The following CHN1 variants were observed in gnomAD, a reference collection of about 807,000 sequenced individuals.
The protein encoded by CHN1 is chimerin 1.
In CHN1, 37 loss-of-function variants were observed where a neutral mutation model predicts 59.5. That is an observed-to-expected ratio of 0.62 (90% CI 0.48 to 0.82). The LOEUF is 0.82. Ranked by LOEUF, CHN1 falls within the 40% of genes least tolerant of loss-of-function variation. CHN1 has a pLI of 0.00. For missense variants in CHN1, 469 were observed against 571.0 expected (o/e 0.82, Z 1.82); for synonymous variants, 206 against 200.4 (o/e 1.03, Z -0.24).
At position 174,862,852 on chromosome 2, in the gene CHN1, G is replaced by A. The variant is rs200107274; in HGVS notation, c.549+14988C>T. On this transcript the variant is annotated intron_variant, in intron 6 of 12. Coordinates refer to ENST00000409900, the MANE Select transcript of CHN1 (RefSeq NM_001822.7). ...GTTGTCTTGAGGAAAAGTATTCTTT[G>A]TTTTAGTAGTAAGCTGAGCTAGCAC... 2.2e-4 allele frequency among the ~76,000 whole-genome samples: 33 copies of A among 152,184 alleles called. No individual in the cohort carries two copies. The East Asian group carries it at 5.8e-3, about 27-fold the overall frequency.
intron 5 of CHN1, among the ~76,000 whole-genome samples, chr2:174,914,603 T>C (rs1688787321): frequency 6.6e-6 from 1 of 152,016 alleles, no homozygotes; most frequent in African/African-American, 2.4e-5. Context: ...TCCCAGCACT[T>C]TGGGAGGCCA....
chr2:174,866,471 A>G (rs1446080056), intron 6 of CHN1, among the ~76,000 whole-genome samples: 1 of 152,196 alleles, frequency 6.6e-6, no homozygotes, highest in African/African-American at 2.4e-5. Context: ...CCTTGCAGTA[A>G]CACTGCTTCC....
intron 5 of CHN1, among the ~76,000 whole-genome samples, chr2:174,906,773 A>C (rs1688555469): frequency 6.6e-6 from 1 of 152,172 alleles, no homozygotes; most frequent in Non-Finnish European, 1.5e-5. Context: ...TCCAGGAAAA[A>C]AATGAGAAAA....
chr2:174,923,500 A>T (rs2105379020), intron 3 of CHN1, among the ~76,000 whole-genome samples: 1 of 152,308 alleles, frequency 6.6e-6, no homozygotes, highest in East Asian at 1.9e-4. Flanking sequence ...GACACATTAG[A>T]ATGGGGTCCC....
At chr2:174,861,416 T>C (rs2105453142) in intron 6 of CHN1, among the ~76,000 whole-genome samples, 1 of 152,300 alleles carries the variant, frequency 6.6e-6, no homozygotes, top group South Asian at 2.1e-4. Flanking sequence ...TAAATAAATG[T>C]TAAAAGAATG....
At chr2:174,948,170 G>A (rs1689901770) in intron 2 of CHN1, among the ~76,000 whole-genome samples, 1 of 152,168 alleles carries the variant, frequency 6.6e-6, no homozygotes, top group Non-Finnish European at 1.5e-5. Context: ...TTTGTTTGCT[G>A]TCTTTTACAT....
At chr2:174,818,816 T>C (rs933172222) in intron 8 of CHN1, among the ~76,000 whole-genome samples, 1 of 152,190 alleles carries the variant, frequency 6.6e-6, no homozygotes, top group African/African-American at 2.4e-5. Flanking sequence ...TTCTGGGGCT[T>C]GATTTTGCTA....
chr2:174,915,009 A>T, intron 5 of CHN1, 49 bp downstream of exon 5: 1 of 1,129,902 alleles, frequency 8.9e-7, no homozygotes, highest in Non-Finnish European at 1.3e-6. Context: ...GCCCTATATT[A>T]AGAGAGTTTT....
intron 1 of CHN1, among the ~76,000 whole-genome samples, chr2:175,004,519 G>C (rs1691996503): frequency 6.7e-6 from 1 of 148,472 alleles, no homozygotes; most frequent in Admixed American, 6.7e-5. Context: ...CAGATACCTC[G>C]TTCAAAATAA....
chr2:174,803,045 G>C (rs116471115), intron 11 of CHN1, among the ~76,000 whole-genome samples: 2 of 151,702 alleles, frequency 1.3e-5, no homozygotes, highest in Non-Finnish European at 2.9e-5. Context: ...TCTTGGGGGG[G>C]AATTAAAAAA....
intron 6 of CHN1, among the ~76,000 whole-genome samples, chr2:174,870,805 T>C (rs1687384134): frequency 6.6e-6 from 1 of 152,260 alleles, no homozygotes. Context: ...TGAAAGAATT[T>C]CTAATAGCTT....
intron 1 of CHN1, 136 bp from the exon 2 acceptor site, chr2:174,952,338 C>T (rs1421781679): frequency 2.1e-6 from 1 of 473,774 alleles, no homozygotes; most frequent in African/African-American, 2.0e-5. Context: ...AAGGGGCATT[C>T]AAGGGTTTTT....
intron 3 of CHN1, among the ~76,000 whole-genome samples, chr2:174,930,804 T>A (rs1689321762): frequency 6.6e-6 from 1 of 151,650 alleles, no homozygotes; most frequent in South Asian, 2.1e-4. Context: ...TCGCTCTGCC[T>A]CCCAGGCTGG....
chr2:174,938,171 G>A (rs921803995), intron 3 of CHN1, among the ~76,000 whole-genome samples: 1 of 152,080 alleles, frequency 6.6e-6, no homozygotes, highest in African/African-American at 2.4e-5. Flanking sequence ...ATACTTAAGG[G>A]TGAACATCAA....
chr2:174,910,682 A>G (rs1056414541), intron 5 of CHN1, among the ~76,000 whole-genome samples: 4 of 152,182 alleles, frequency 2.6e-5, no homozygotes, highest in African/African-American at 9.6e-5. Flanking sequence ...TTATGATTGC[A>G]TTTATACCCA....
intron 5 of CHN1, among the ~76,000 whole-genome samples, chr2:174,882,734 G>A (rs933761675): frequency 3.3e-5 from 5 of 152,086 alleles, no homozygotes; most frequent in Non-Finnish European, 7.4e-5. Flanking sequence ...TTTGTCTGTT[G>A]TTTACCAGAG....
At chr2:174,944,414 T>C (rs34912091) in intron 3 of CHN1, among the ~76,000 whole-genome samples, 2,033 of 152,342 alleles carry the variant, frequency 0.013, 15 homozygotes, top group Middle Eastern at 0.024. Context: ...TGTATTTTAA[T>C]TGGCATTTCT....
intron 3 of CHN1, among the ~76,000 whole-genome samples, chr2:174,924,471 T>A (rs570515717): frequency 5.9e-5 from 9 of 152,278 alleles, no homozygotes; most frequent in African/African-American, 2.2e-4. Flanking sequence ...TTCTGTGAGA[T>A]CCCCCTCTCC....
intron 2 of CHN1, among the ~76,000 whole-genome samples, chr2:174,945,987 C>G (rs1330267191): frequency 6.6e-6 from 1 of 151,742 alleles, no homozygotes; most frequent in Non-Finnish European, 1.5e-5. Context: ...CACACACACA[C>G]AGTGAACACA....
Sources: gnomAD v4.1 joint callset for allele counts (sites outside exome capture counted in the v4.1 genomes callset) on GRCh38, gnomAD v4.1.1 for gene constraint, MANE v1.5 for transcripts, NCBI Gene and HGNC (gene_info 2026-07-23, HGNC 2026-07-21) for gene names.